REV1: variants seen among roughly 807,000 people sequenced by gnomAD.
REV1 encodes the protein translesion synthesis protein REV1.
In REV1, 42 loss-of-function variants were observed where a neutral mutation model predicts 137.4. The observed-to-expected ratio is 0.31, with a 90% CI of 0.24 to 0.40. The LOEUF (loss-of-function observed/expected upper bound fraction) is 0.40. REV1 is among the 10% of genes least tolerant of loss of function. REV1 has a pLI of 1.00. For synonymous variants in REV1, 524 were observed against 519.2 expected, an observed-to-expected ratio of 1.01 and a Z score of -0.12; for missense variants, 1,282 against 1,490.1, an observed-to-expected ratio of 0.86 and a Z score of 2.30.
intron 11 of REV1, 72 bp downstream of exon 11, chr2:99,421,427 C>T: frequency 5.6e-6 from 8 of 1,436,270 alleles, no homozygotes; most frequent in Middle Eastern, 2.0e-4. Context: ...AAAAGAAAAA[C>T]TCCATAAAAT....
intron 1 of REV1, among the ~76,000 whole-genome samples, chr2:99,467,276 G>A (rs1243660972): frequency 6.6e-6 from 1 of 151,356 alleles, no homozygotes; most frequent in Non-Finnish European, 1.5e-5. Flanking sequence ...AAAAAAAACA[G>A]CTATTAAGGG....
At chr2:99,443,205 A>C (rs1221815745) in intron 4 of REV1, among the ~76,000 whole-genome samples, 1 of 152,242 alleles carries the variant, frequency 6.6e-6, no homozygotes, top group South Asian at 2.1e-4. Flanking sequence ...AAAAATAACC[A>C]ATCAATATAC....
chr2:99,435,876 A>G lies in REV1; in HGVS notation c.1279T>C (p.Phe427Leu), dbSNP rs183737771. The G allele has an allele frequency of 3.9e-5, 63 of 1,608,644 alleles. No homozygotes were observed. The African/African-American group carries it at 8.3e-4, about 21-fold the overall frequency. ...SCIMHVDMDC[F>L]FVSVGIRNRP... Reference sequence around the variant, plus strand: ...TTTCGTATACCCACTGATACAAAGAAGCAATCCATATCAACATGCATTATA... The same window carrying G: ...TTTCGTATACCCACTGATACAAAGAGGCAATCCATATCAACATGCATTATA... The change falls in exon 7 of 23, where the codon TTC becomes CTC. Residue 427 changes from phenylalanine to leucine, a missense_variant. By Grantham distance (22) the Phe-to-Leu change is conservative. Transcript: ENST00000258428.
chr2:99,446,580 C>T (rs1442783238), intron 4 of REV1, among the ~76,000 whole-genome samples: 1 of 151,948 alleles, frequency 6.6e-6, no homozygotes, highest in Non-Finnish European at 1.5e-5. Flanking sequence ...CTGCAACCTC[C>T]ACCTCCCAGG....
chr2:99,416,912 CAAAAAAAA>C (rs755184253), intron 12 of REV1, among the ~76,000 whole-genome samples: 4 of 77,850 alleles, frequency 5.1e-5, no homozygotes, highest in Non-Finnish European at 9.2e-5. Context: ...GACTCCATCT[CAAAAAAAA>C]AAAAAAAAAA....
Position 99,402,736 on chromosome 2 carries a change from C to G in REV1, c.3449G>C (p.Gly1150Ala). Residue 1150 changes from glycine (G) to alanine (A), a missense_variant, in exon 21 of 23, where the codon GGC (glycine) becomes GCC (alanine). Around this residue, in one of 7 missense-constraint regions of REV1, gnomAD observed 170 missense variants for 156.8 expected, o/e 1.08. Transcript: ENST00000258428. Reference protein sequence around the residue: ...GLSSLQSDPAGCVRPPAPNLA... With the variant: ...GLSSLQSDPAACVRPPAPNLA... The stretch of plus-strand genomic sequence containing the variant: ...ATTGGGTGCTGGAGGTCTCACACAG[C>G]CAGCTGGGTCAGACTGCAAACTAGA... 1 of 1,614,178 alleles carries G rather than the reference C, an allele frequency of 6.2e-7. No individual in the cohort carries two copies.
chr2:99,408,813 AGT>A (rs1676699399), intron 14 of REV1, among the ~76,000 whole-genome samples: 1 of 152,242 alleles, frequency 6.6e-6, no homozygotes. Flanking sequence ...AATTACTACC[AGT>A]TCTCTTTCCA....
At position 99,472,624 on chromosome 2, in the gene REV1, G is replaced by C. The variant is rs73963886; in HGVS notation, c.-10-7639C>G. On this transcript the variant is annotated intron_variant, in intron 1 of 22. Transcript: ENST00000258428. Reference sequence around the variant, plus strand: ...CAAGCTGCAGTGGACAGGATCTTCAGGTGGGGTGCAAAGCTGGGAAAAAGG... The same window carrying C: ...CAAGCTGCAGTGGACAGGATCTTCACGTGGGGTGCAAAGCTGGGAAAAAGG... Among the ~76,000 whole-genome samples, 237 of 152,364 alleles carry C rather than the reference G, an allele frequency of 1.6e-3. 1 individual carries two copies. The highest frequency in any genetic ancestry group is 5.5e-3 in the African/African-American group (230 of 41,582).
At chr2:99,430,333 A>C (rs926975803) in intron 8 of REV1, among the ~76,000 whole-genome samples, 2 of 152,200 alleles carry the variant, frequency 1.3e-5, no homozygotes, top group Admixed American at 6.5e-5. Context: ...GTAGTGGGGA[A>C]AAGTTAACGA....
intron 10 of REV1, 64 bp from the exon 11 acceptor site, chr2:99,421,717 G>T: frequency 6.7e-7 from 1 of 1,496,646 alleles, no homozygotes; most frequent in South Asian, 1.3e-5. Context: ...ACCCAATGTT[G>T]CAAAATAGTC....
chr2:99,475,478 A>G (rs1242371570), intron 1 of REV1, among the ~76,000 whole-genome samples: 1 of 152,192 alleles, frequency 6.6e-6, no homozygotes, highest in Non-Finnish European at 1.5e-5. Flanking sequence ...TTCTAAGAGA[A>G]GTTACTATTT....
chr2:99,409,853 A>C (rs865840580), intron 14 of REV1, among the ~76,000 whole-genome samples: 1,509 of 78,236 alleles, frequency 0.019, 2 homozygotes, highest in East Asian at 0.035. Context: ...AAAACAAACA[A>C]CCCCCCCCCC....
intron 1 of REV1, among the ~76,000 whole-genome samples, chr2:99,478,923 T>C (rs1686274317): frequency 6.6e-6 from 1 of 152,126 alleles, no homozygotes. Context: ...GACAGTTCAG[T>C]GGTAACGAGA....
At position 99,438,924 on chromosome 2, in the gene REV1, G is replaced by C. The variant is rs1369034553; in HGVS notation, c.890C>G (p.Ser297Cys). ...DALRNPHRTN[S>C]FSLSPLHSNT... ...ACTGTGCAAAGGTGATAATGAGAAA[G>C]AATTAGTTCTGTGTGGATTCCGCAA... The change falls in exon 6 of 23, where the codon TCT (serine) becomes TGT (cysteine). Residue 297 changes from serine to cysteine, a missense_variant. Ser to Cys is a moderately radical substitution (Grantham distance 112). This residue lies in a region of REV1 where 432 missense variants were observed against 438.0 expected (regional missense o/e 0.99). Transcript: ENST00000258428. The C allele has an allele frequency of 2.5e-6, 4 of 1,614,164 alleles. No homozygotes were observed. Among genetic ancestry groups the C allele is most frequent in the South Asian group, 2.2e-5 (2 of 91,086 alleles).
At chr2:99,406,244 T>G in intron 16 of REV1, 81 bp downstream of exon 16, 1 of 1,466,652 alleles carries the variant, frequency 6.8e-7, no homozygotes, top group East Asian at 2.3e-5. Flanking sequence ...CACATAAAGC[T>G]GTGTCAATTT....
chr2:99,410,594 G>A, intron 14 of REV1, 101 bp downstream of exon 14: 1 of 1,028,280 alleles, frequency 9.7e-7, no homozygotes, highest in Non-Finnish European at 1.4e-6. Context: ...CGGGTTTACA[G>A]GTCTTTATTC....
chr2:99,462,720 C>T, intron 2 of REV1, 98 bp from the exon 3 acceptor site: 1 of 1,215,690 alleles, frequency 8.2e-7, no homozygotes, highest in East Asian at 2.4e-5. Context: ...ATAAATGGAC[C>T]TTATTCTGTG....
chr2:99,437,425 T>G (rs936916242), intron 6 of REV1, among the ~76,000 whole-genome samples: 2 of 152,162 alleles, frequency 1.3e-5, no homozygotes, highest in African/African-American at 4.8e-5. Context: ...AGAGTAAGGA[T>G]TTAGATTCAT....
chr2:99,460,722 A>G (rs1350984844), intron 3 of REV1, among the ~76,000 whole-genome samples: 7 of 151,952 alleles, frequency 4.6e-5, no homozygotes, highest in African/African-American at 1.5e-4. Context: ...ATTCAGCATA[A>G]TGGAACTTTA....
Sources: allele counts gnomAD v4.1 joint callset (sites outside exome capture counted in the v4.1 genomes callset), GRCh38; gene constraint gnomAD v4.1.1; regional missense constraint gnomAD v4.1.1; transcripts MANE v1.5; gene names NCBI Gene and HGNC (gene_info 2026-07-23, HGNC 2026-07-21).